Variants in RIN2 observed in about 807,000 individuals in gnomAD.
The protein encoded by RIN2 is RAB5 interacting protein 2.
Under a neutral mutation model 78.0 loss-of-function variants are expected in RIN2, and 36 were observed. The observed-to-expected ratio is 0.46, with a 90% CI of 0.35 to 0.61. The LOEUF (loss-of-function observed/expected upper bound fraction) is 0.61. Among genes scored for constraint, RIN2 ranks in the 20% least tolerant of loss-of-function variants. RIN2 has a pLI of 0.00. For synonymous variants in RIN2, 466 were observed against 466.8 expected, an observed-to-expected ratio of 1.00 and a Z score of 0.02; for missense variants, 1,087 against 1,159.7, an observed-to-expected ratio of 0.94 and a Z score of 0.91.
intron 1 of RIN2, among the ~76,000 whole-genome samples, chr20:19,786,337 C>G (rs2034676095): frequency 6.6e-6 from 1 of 152,210 alleles, no homozygotes; most frequent in African/African-American, 2.4e-5. Flanking sequence ...AGCAGTTAGA[C>G]TGTTCTGAGG....
intron 3 of RIN2, among the ~76,000 whole-genome samples, chr20:19,896,193 T>G (rs1434656457): frequency 6.6e-6 from 1 of 152,104 alleles, no homozygotes; most frequent in African/African-American, 2.4e-5. Flanking sequence ...TTATTTTTAT[T>G]TTTATGTTTT....
chr20:19,803,075 A>G (rs1411955888), intron 2 of RIN2, among the ~76,000 whole-genome samples: 2 of 152,222 alleles, frequency 1.3e-5, no homozygotes, highest in Non-Finnish European at 2.9e-5. Flanking sequence ...CTCACTGATT[A>G]GTGAAAAAGG....
chr20:19,808,655 G>A (rs1017354843), intron 2 of RIN2, among the ~76,000 whole-genome samples: 6 of 152,312 alleles, frequency 3.9e-5, no homozygotes, highest in Middle Eastern at 6.8e-3. Context: ...GCAGGGTTCC[G>A]GTTAGCTGTC....
chr20:19,877,835 T>A (rs773213029), intron 2 of RIN2, among the ~76,000 whole-genome samples: 2 of 151,930 alleles, frequency 1.3e-5, no homozygotes, highest in Non-Finnish European at 2.9e-5. Context: ...ACTGGACAAC[T>A]GTAGAGACCC....
At chr20:19,956,220 T>C (rs1047050626) in intron 4 of RIN2, among the ~76,000 whole-genome samples, 4 of 128,250 alleles carry the variant, frequency 3.1e-5, no homozygotes, top group Admixed American at 9.9e-5. Context: ...ATCGCGCCAC[T>C]GCACTCCAGC....
intron 2 of RIN2, among the ~76,000 whole-genome samples, chr20:19,849,068 A>G (rs1422613237): frequency 6.6e-6 from 1 of 151,834 alleles, no homozygotes; most frequent in Non-Finnish European, 1.5e-5. Context: ...AATTCAAGCT[A>G]TTGGCCATTT....
chr20:19,974,277 T>C (rs1350039946), intron 8 of RIN2, among the ~76,000 whole-genome samples: 2 of 152,236 alleles, frequency 1.3e-5, no homozygotes, highest in East Asian at 3.9e-4. Context: ...TGTTGCTTTG[T>C]AAGTCGGTTC....
intron 2 of RIN2, among the ~76,000 whole-genome samples, chr20:19,831,411 A>G (rs1408609295): frequency 1.3e-5 from 2 of 152,204 alleles, no homozygotes; most frequent in African/African-American, 4.8e-5. Context: ...AGAGGGAGGT[A>G]GAGATGGAAA....
At chr20:19,837,955 A>G (rs1251015840) in intron 2 of RIN2, among the ~76,000 whole-genome samples, 1 of 152,192 alleles carries the variant, frequency 6.6e-6, no homozygotes, top group Admixed American at 6.5e-5. Flanking sequence ...ACTATAATAT[A>G]TCTGAAACAT....
Position 19,975,452 on chromosome 20 carries a change from C to T in RIN2, c.1427C>T (p.Pro476Leu), listed in dbSNP as rs35142632. 1.2e-6 allele frequency: 2 copies of T among 1,613,960 alleles called. No individual in the cohort carries two copies. The highest frequency in any genetic ancestry group is 1.6e-4 in the Middle Eastern group (1 of 6,084). The change falls in exon 9 of 13, where the codon CCC (proline) becomes CTC (leucine). Residue 476 changes from proline to leucine, a missense_variant. Pro to Leu is a moderately conservative substitution (Grantham distance 98). Transcript: ENST00000255006. The surrounding 1 kb of genome is among the most constrained non-coding windows in gnomAD (Gnocchi z 4.9). ...GESDQETMAP[P>L]IKSKKKRSSS... ...AGTGACCAAGAGACCATGGCGCCCC[C>T]CATCAAGTCCAAAAAGAAAAGGAGC...
At chr20:19,777,100 G>C (rs1017252422) in intron 1 of RIN2, among the ~76,000 whole-genome samples, 4 of 152,200 alleles carry the variant, frequency 2.6e-5, no homozygotes, top group African/African-American at 9.7e-5. Flanking sequence ...CATCCGGGAG[G>C]GAATTGTTTT....
At chr20:19,948,857 T>G (rs192449126) in intron 4 of RIN2, among the ~76,000 whole-genome samples, 360 of 152,208 alleles carry the variant, frequency 2.4e-3, no homozygotes, top group African/African-American at 8.2e-3. Context: ...GGCTCGAATG[T>G]AGTGGCATGA....
At chr20:19,813,575 G>A (rs890644556) in intron 2 of RIN2, among the ~76,000 whole-genome samples, 2 of 151,464 alleles carry the variant, frequency 1.3e-5, no homozygotes, top group African/African-American at 4.9e-5. Context: ...GGTTATAATA[G>A]GAATTACAAA....
chr20:19,904,231 C>CA (rs200273051), intron 3 of RIN2, among the ~76,000 whole-genome samples: 1,881 of 121,046 alleles, frequency 0.016, 35 homozygotes, highest in South Asian at 0.092. Flanking sequence ...GACTTCGTCT[C>CA]AAAAAAAAAA....
At chr20:19,954,066 G>C (rs1415022183) in intron 4 of RIN2, among the ~76,000 whole-genome samples, 1 of 152,174 alleles carries the variant, frequency 6.6e-6, no homozygotes, top group Admixed American at 6.5e-5. Flanking sequence ...AGAGAAGTTA[G>C]GACGGGGGTC....
rs148917739 is a variant in RIN2 at position 19,787,415 on chromosome 20, T to G, written c.-162-12207T>G. Among the ~76,000 whole-genome samples the G allele has an allele frequency of 4.1e-3, 458 of 111,370 alleles. 7 individuals are homozygous for G. Among genetic ancestry groups the G allele is most frequent in the Admixed American group, 0.039 (331 of 8,482 alleles). The allele number at this position is 111,370 out of a possible 152,430, so 73.1% of individuals were successfully genotyped here. ...TCCTGCCTGGGCGACAGAGCAAGAC[T>G]CCATCTTAAAAAAAAAAAAAAAAAA... On this transcript the variant is annotated intron_variant, in intron 1 of 12. Transcript: ENST00000255006.
At chr20:19,888,566 A>G (rs548483810) in intron 2 of RIN2, among the ~76,000 whole-genome samples, 1 of 152,306 alleles carries the variant, frequency 6.6e-6, no homozygotes, top group African/African-American at 2.4e-5. Flanking sequence ...TGATGGTGCA[A>G]GAGACAGTCT....
chr20:19,838,782 C>A (rs1215120652), intron 2 of RIN2, among the ~76,000 whole-genome samples: 1 of 152,180 alleles, frequency 6.6e-6, no homozygotes, highest in Non-Finnish European at 1.5e-5. Context: ...CACACCTGCA[C>A]TCCGGCGTCT....
intron 2 of RIN2, among the ~76,000 whole-genome samples, chr20:19,885,006 T>C (rs1367167744): frequency 2.0e-5 from 3 of 152,196 alleles, no homozygotes; most frequent in Admixed American, 2.0e-4. Context: ...CTGAAGTCCG[T>C]GCTGCCCGGC....
Sources: gnomAD v4.1 joint callset for allele counts (sites outside exome capture counted in the v4.1 genomes callset) on GRCh38, gnomAD v4.1.1 for gene constraint, Gnocchi (gnomAD v3.1) non-coding constraint, MANE v1.5 for transcripts, NCBI Gene and HGNC (gene_info 2026-07-23, HGNC 2026-07-21) for gene names.